ZSCAN5A: variants seen among roughly 807,000 people sequenced by gnomAD.
ZSCAN5A encodes zinc finger and SCAN domain-containing protein 5A.
In ZSCAN5A, 12 loss-of-function variants were observed where a neutral mutation model predicts 23.7. That is an observed-to-expected ratio of 0.51 (90% confidence interval 0.32 to 0.82). The LOEUF is 0.82. Ranked by LOEUF, ZSCAN5A falls within the 40% of genes least tolerant of loss-of-function variation. The pLI, the probability that ZSCAN5A is intolerant of heterozygous loss-of-function variation, is 0.03. For synonymous variants in ZSCAN5A, 257 were observed against 239.9 expected (o/e 1.07, Z -0.66); for missense variants, 597 against 617.9 (o/e 0.97, Z 0.36).
At chr19:56,346,802 G>C (rs1188269607) in intron 2 of ZSCAN5A, among the ~76,000 whole-genome samples, 1 of 151,794 alleles carries the variant, frequency 6.6e-6, no homozygotes, top group Non-Finnish European at 1.5e-5. Flanking sequence ...TCCACCTCCT[G>C]GGTTCACGCC....
upstream of ZSCAN5A, among the ~76,000 whole-genome samples, chr19:56,318,266 T>A (rs1235664201): frequency 6.6e-6 from 1 of 152,198 alleles, no homozygotes; most frequent in African/African-American, 2.4e-5. Flanking sequence ...GTTTTATTGA[T>A]TCATGCTTCC....
At chr19:56,244,108 G>A (rs61735954) in intron 2 of ZSCAN5A, 309 of 1,509,292 alleles carry the variant, frequency 2.0e-4, no homozygotes, top group Admixed American at 4.6e-4. Flanking sequence ...AGTCAGAGCC[G>A]CCACAGTCTG....
intron 2 of ZSCAN5A, chr19:56,301,792 G>A: frequency 1.7e-6 from 1 of 572,894 alleles, no homozygotes; most frequent in Non-Finnish European, 2.6e-6. Context: ...CTGGAGTATG[G>A]TGGTAACCAA....
intron 2 of ZSCAN5A, chr19:56,320,074 A>C: frequency 1.3e-6 from 1 of 777,862 alleles, no homozygotes; most frequent in East Asian, 2.4e-5. Context: ...ATCTCTTCTT[A>C]TACCTGTCAC....
chr19:56,298,513 C>T (rs976980194), intron 2 of ZSCAN5A, among the ~76,000 whole-genome samples: 2 of 151,378 alleles, frequency 1.3e-5, no homozygotes, highest in East Asian at 2.0e-4. Context: ...ATTAGCCAGG[C>T]GTGGTGGCGG....
intron 2 of ZSCAN5A, among the ~76,000 whole-genome samples, chr19:56,265,248 C>T (rs1169520459): frequency 6.6e-6 from 1 of 151,606 alleles, no homozygotes; most frequent in East Asian, 1.9e-4. Context: ...CAGATCCATC[C>T]TAGCACAGGG....
At chr19:56,366,771 A>G (rs34754589) in intron 1 of ZSCAN5A, among the ~76,000 whole-genome samples, 14,613 of 152,112 alleles carry the variant, frequency 0.096, 827 homozygotes, top group African/African-American at 0.15. Flanking sequence ...ATCTGCTTAA[A>G]CTCTTTAAAA....
rs116957232 is a variant in ZSCAN5A, at chr19:56,259,966, C to G, written c.-127-34793G>C. On this transcript the variant is annotated intron_variant, in intron 2 of 5. Transcript: ENST00000683990. Reference sequence around the variant, plus strand: ...GCCAGCCTGGGTGACAGAGCGAGACCTTGTTTTAAAAAAATAAAAATTAAA... The same window carrying G: ...GCCAGCCTGGGTGACAGAGCGAGACGTTGTTTTAAAAAAATAAAAATTAAA... Among the ~76,000 whole-genome samples the G allele has an allele frequency of 1.4e-3, 219 of 152,094 alleles. 2 individuals are homozygous for G. The East Asian group carries it at 0.038, about 27-fold the overall frequency.
chr19:56,304,868 G>A, intron 2 of ZSCAN5A: 1 of 916,124 alleles, frequency 1.1e-6, no homozygotes, highest in Non-Finnish European at 1.3e-6. Flanking sequence ...TCCCACCGCT[G>A]GGGTGGGGTT....
chr19:56,337,508 A>G (rs2041550982), intron 2 of ZSCAN5A, among the ~76,000 whole-genome samples: 1 of 152,196 alleles, frequency 6.6e-6, no homozygotes, highest in Admixed American at 6.5e-5. Context: ...AGGAAAGGGA[A>G]TTCCCTGACC....
At chr19:56,304,735 C>T in intron 2 of ZSCAN5A, 1 of 969,078 alleles carries the variant, frequency 1.0e-6, no homozygotes, top group Non-Finnish European at 1.2e-6. Flanking sequence ...GGAAGGAATT[C>T]ACTCGCCTCA....
At chr19:56,254,567 G>A (rs2036572402) in intron 2 of ZSCAN5A, among the ~76,000 whole-genome samples, 1 of 152,112 alleles carries the variant, frequency 6.6e-6, no homozygotes, top group African/African-American at 2.4e-5. Flanking sequence ...ATGAACATAG[G>A]AGTATGAGTT....
At chr19:56,329,004 A>AAAT (rs1555811864) in intron 2 of ZSCAN5A, among the ~76,000 whole-genome samples, 1 of 150,542 alleles carries the variant, frequency 6.6e-6, no homozygotes, top group African/African-American at 2.4e-5. Context: ...CAAAAAAAAA[A>AAAT]AAAAATAAAT....
At chr19:56,347,649 C>T (rs1404307023) in intron 2 of ZSCAN5A, 1 of 152,190 alleles carries the variant, frequency 6.6e-6, no homozygotes, top group Non-Finnish European at 1.5e-5. Context: ...TATGGAAAGG[C>T]ACTAATAGAG....
intron 2 of ZSCAN5A, among the ~76,000 whole-genome samples, chr19:56,227,036 G>C (rs1261240423): frequency 2.0e-5 from 3 of 152,156 alleles, no homozygotes; most frequent in Non-Finnish European, 4.4e-5. Context: ...GTAGGGGTTG[G>C]GAAGATATAG....
intron 2 of ZSCAN5A, chr19:56,281,649 T>G (rs374259394): frequency 1.0e-6 from 1 of 980,244 alleles, no homozygotes; most frequent in African/African-American, 1.8e-5. Flanking sequence ...TCCTTGAATT[T>G]TCCATGTTGA....
intron 2 of ZSCAN5A, among the ~76,000 whole-genome samples, chr19:56,259,180 T>C (rs2036943123): frequency 6.6e-6 from 1 of 152,162 alleles, no homozygotes; most frequent in Admixed American, 6.5e-5. Flanking sequence ...TGGAACAGCA[T>C]TGTGTCTTCC....
intron 2 of ZSCAN5A, among the ~76,000 whole-genome samples, chr19:56,231,551 G>C (rs750807178): frequency 3.3e-5 from 5 of 152,108 alleles, no homozygotes; most frequent in Non-Finnish European, 7.3e-5. Context: ...CTCACGTAAA[G>C]GTGGCTCCAG....
At chr19:56,280,093 T>C (rs2038574569) in intron 2 of ZSCAN5A, among the ~76,000 whole-genome samples, 1 of 152,210 alleles carries the variant, frequency 6.6e-6, no homozygotes, top group Non-Finnish European at 1.5e-5. Flanking sequence ...TTCTTCCAGA[T>C]CCTTCCAGAG....
Sources: allele counts gnomAD v4.1 joint callset (sites outside exome capture counted in the v4.1 genomes callset), GRCh38; gene constraint gnomAD v4.1.1; transcripts MANE v1.5; gene names NCBI Gene and HGNC (gene_info 2026-07-23, HGNC 2026-07-21).